Variants in SORCS3 observed in about 807,000 individuals in gnomAD.
The protein encoded by SORCS3 is VPS10 domain-containing receptor SorCS3.
Under a neutral mutation model 146.3 loss-of-function variants are expected in SORCS3, and 57 were observed. The ratio of observed to expected loss-of-function variants is 0.39; its 90% CI spans 0.31 to 0.49. The LOEUF (loss-of-function observed/expected upper bound fraction) is 0.49, where lower values mean the gene tolerates loss of function less well. Ranked by LOEUF, SORCS3 falls within the 20% of genes least tolerant of loss-of-function variation. The pLI is 0.92. For missense variants in SORCS3, 1,341 were observed against 1,575.5 expected, an observed-to-expected ratio of 0.85 and a Z score of 2.52; for synonymous variants, 653 against 618.5, an observed-to-expected ratio of 1.06 and a Z score of -0.83.
intron 11 of SORCS3, among the ~76,000 whole-genome samples, chr10:105,159,350 GT>G (rs1196608517): frequency 6.6e-6 from 1 of 152,210 alleles, no homozygotes; most frequent in African/African-American, 2.4e-5. Flanking sequence ...CCAGATGTAA[GT>G]TGGGGTAGTT....
At position 105,117,659 on chromosome 10, in the gene SORCS3, C is replaced by T. The variant is rs117460010; in HGVS notation, c.1212+12144C>T. On this transcript the variant is annotated intron_variant, in intron 7 of 26. Coordinates refer to ENST00000369701, the MANE Select transcript of SORCS3 (RefSeq NM_014978.3). The stretch of plus-strand genomic sequence containing the variant: ...AACCTACACCCCTCTGTAAGTCTCC[C>T]ATGTTTCATTCACAATCAAATTTTT... 4.3e-3 allele frequency among the ~76,000 whole-genome samples: 650 copies of T among 152,256 alleles called. 3 individuals are homozygous for T. Among genetic ancestry groups the T allele is most frequent in the South Asian group, 8.9e-3 (43 of 4,830 alleles).
intron 4 of SORCS3, among the ~76,000 whole-genome samples, chr10:105,013,464 G>A (rs554741093): frequency 5.3e-5 from 8 of 152,096 alleles, no homozygotes; most frequent in Admixed American, 4.6e-4. Flanking sequence ...AGACTCAAAA[G>A]AAACTGTAGG....
At chr10:105,059,638 A>G (rs1270100601) in intron 5 of SORCS3, among the ~76,000 whole-genome samples, 2 of 152,194 alleles carry the variant, frequency 1.3e-5, no homozygotes, top group African/African-American at 4.8e-5. Flanking sequence ...GCCCATTGCC[A>G]TGGGACTCTC....
chr10:105,190,767 G>A (rs929927218), intron 14 of SORCS3, among the ~76,000 whole-genome samples: 6 of 152,110 alleles, frequency 3.9e-5, no homozygotes, highest in African/African-American at 1.4e-4. Flanking sequence ...AAAGTCTTAT[G>A]GGTATGGATC....
intron 1 of SORCS3, among the ~76,000 whole-genome samples, chr10:104,759,002 C>T (rs10786818): frequency 0.79 from 119,571 of 152,080 alleles, 47,248 homozygotes; most frequent in East Asian, 0.94. Context: ...AGAATGTGAT[C>T]GTATTTGGGA....
intron 3 of SORCS3, among the ~76,000 whole-genome samples, chr10:104,969,343 G>A (rs1052716269): frequency 7.4e-5 from 11 of 149,328 alleles, no homozygotes; most frequent in South Asian, 4.2e-4. Flanking sequence ...GTGTGTGTGC[G>A]CGCGCGCGTA....
intron 5 of SORCS3, among the ~76,000 whole-genome samples, chr10:105,057,347 A>G (rs184810293): frequency 4.7e-4 from 72 of 152,266 alleles, no homozygotes; most frequent in African/African-American, 1.6e-3. Flanking sequence ...TTAGAAAATC[A>G]TTGATCTAGA....
Position 105,256,800 on chromosome 10 carries a change from A to T in SORCS3, c.3338-19A>T. On this transcript the variant is annotated intron_variant, in intron 24 of 26. Coordinates refer to ENST00000369701, the MANE Select transcript of SORCS3 (RefSeq NM_014978.3). Reference sequence around the variant, plus strand: ...AGTGAGCATATCTGTTCTTTTCCTTATCTGTTCTTCTTTCCAAGCTCCATT... The same window carrying T: ...AGTGAGCATATCTGTTCTTTTCCTTTTCTGTTCTTCTTTCCAAGCTCCATT... 2 of 1,596,206 alleles carry T rather than the reference A, an allele frequency of 1.3e-6. No individual in the cohort carries two copies. Among genetic ancestry groups the T allele is most frequent in the Non-Finnish European group, 1.7e-6 (2 of 1,163,964 alleles).
At chr10:104,903,476 A>G (rs1693807799) in intron 2 of SORCS3, among the ~76,000 whole-genome samples, 1 of 152,188 alleles carries the variant, frequency 6.6e-6, no homozygotes, top group South Asian at 2.1e-4. Context: ...AGAGCACGGT[A>G]GATGAGAGGG....
At chr10:104,958,162 A>G (rs2019517158) in intron 3 of SORCS3, among the ~76,000 whole-genome samples, 1 of 152,216 alleles carries the variant, frequency 6.6e-6, no homozygotes, top group South Asian at 2.1e-4. Context: ...CTCCTTTGCT[A>G]TGTCACCAAT....
chr10:105,262,804 A>G (rs576036327), intron 26 of SORCS3, among the ~76,000 whole-genome samples: 2 of 152,340 alleles, frequency 1.3e-5, no homozygotes, highest in African/African-American at 2.4e-5. Context: ...ACTAATGATT[A>G]CATGAATGTG....
chr10:104,944,302 T>C (rs1022576755), intron 3 of SORCS3, among the ~76,000 whole-genome samples: 4 of 152,206 alleles, frequency 2.6e-5, no homozygotes, highest in Non-Finnish European at 5.9e-5. Context: ...GACTTCTGTA[T>C]GGGCAAAGAT....
At chr10:104,979,010 G>C (rs546295699) in intron 4 of SORCS3, among the ~76,000 whole-genome samples, 1 of 152,188 alleles carries the variant, frequency 6.6e-6, no homozygotes, top group Non-Finnish European at 1.5e-5. Flanking sequence ...CTTCTTTAAT[G>C]TAAGTCTCAT....
At chr10:105,021,503 T>A (rs1003682460) in intron 4 of SORCS3, among the ~76,000 whole-genome samples, 1 of 152,278 alleles carries the variant, frequency 6.6e-6, no homozygotes, top group East Asian at 1.9e-4. Context: ...AGAATGTATA[T>A]CTTTTCTTTG....
chr10:104,661,205 C>T (rs1034168016), intron 1 of SORCS3, among the ~76,000 whole-genome samples: 1 of 152,086 alleles, frequency 6.6e-6, no homozygotes, highest in Non-Finnish European at 1.5e-5. Flanking sequence ...TCTCCTGTTC[C>T]GTCTCTAACC....
At chr10:104,988,680 A>G (rs141313304) in intron 4 of SORCS3, among the ~76,000 whole-genome samples, 6 of 152,326 alleles carry the variant, frequency 3.9e-5, no homozygotes, top group African/African-American at 1.4e-4. Flanking sequence ...TAATGAAGAG[A>G]GAAGTTGAAA....
At chr10:105,199,714 C>G (rs1019415512) in intron 14 of SORCS3, among the ~76,000 whole-genome samples, 4 of 152,000 alleles carry the variant, frequency 2.6e-5, no homozygotes, top group African/African-American at 9.7e-5. Context: ...AATTTTTTTT[C>G]TTTACTGGGC....
intron 15 of SORCS3, 40 bp from the exon 16 acceptor site, chr10:105,201,080 T>C: frequency 6.3e-7 from 1 of 1,599,454 alleles, no homozygotes; most frequent in Non-Finnish European, 8.5e-7. Flanking sequence ...CACCACCTTT[T>C]TGTTTTTCTG....
At chr10:104,643,891 G>A (rs1034714753) in intron 1 of SORCS3, among the ~76,000 whole-genome samples, 1 of 152,136 alleles carries the variant, frequency 6.6e-6, no homozygotes, top group Non-Finnish European at 1.5e-5. Flanking sequence ...CCTCCCTGAA[G>A]AGTTTTTCTG....
Sources: gnomAD v4.1 joint callset for allele counts (sites outside exome capture counted in the v4.1 genomes callset) on GRCh38, gnomAD v4.1.1 for gene constraint, MANE v1.5 for transcripts, NCBI Gene and HGNC (gene_info 2026-07-23, HGNC 2026-07-21) for gene names.